Variants in SLMAP observed in about 807,000 individuals in gnomAD.
SLMAP encodes the protein sarcolemma associated protein, also known as sarcolemmal membrane-associated protein.
In SLMAP, 44 loss-of-function variants were observed where a neutral mutation model predicts 128.8. That is an observed-to-expected ratio of 0.34 (90% confidence interval 0.27 to 0.44). The LOEUF (loss-of-function observed/expected upper bound fraction) is 0.44, where lower values mean the gene tolerates loss of function less well. SLMAP is among the 20% of genes least tolerant of loss of function. SLMAP has a pLI of 1.00. For missense variants in SLMAP, 787 were observed against 985.3 expected (o/e 0.80, Z 2.69); for synonymous variants, 327 against 348.8 (o/e 0.94, Z 0.70).
At chr3:57,913,640 G>A (rs972163164) in intron 21 of SLMAP, among the ~76,000 whole-genome samples, 4 of 152,094 alleles carry the variant, frequency 2.6e-5, no homozygotes, top group Non-Finnish European at 4.4e-5. Flanking sequence ...TTTAGTAAAC[G>A]TGATCAGGAA....
In SLMAP at chr3:57,828,492, G is replaced by A. The variant is rs1205065456; in HGVS notation, c.199-2891G>A. Among the ~76,000 whole-genome samples the A allele has an allele frequency of 2.7e-4, 41 of 152,112 alleles. 2 individuals carry two copies. Among genetic ancestry groups the A allele is most frequent in the Admixed American group, 2.7e-3 (41 of 15,274 alleles). ...GCTGTATACAAGTACAGAGGGTTAG[G>A]GGGATGAATAGAAGTTAGTGTAACT... On this transcript the variant is annotated intron_variant, in intron 2 of 24. Transcript: ENST00000671191.
intron 2 of SLMAP, among the ~76,000 whole-genome samples, chr3:57,784,405 C>A (rs912395258): frequency 1.3e-5 from 2 of 152,162 alleles, no homozygotes; most frequent in African/African-American, 2.4e-5. Flanking sequence ...GATTCTTCTC[C>A]AGCTTTAAGA....
intron 2 of SLMAP, among the ~76,000 whole-genome samples, chr3:57,777,943 T>A (rs544777686): frequency 1.8e-4 from 28 of 152,246 alleles, no homozygotes; most frequent in Non-Finnish European, 3.7e-4. Flanking sequence ...TTTTTGAATG[T>A]TAAGCCAAGT....
chr3:57,821,272 G>T (rs2092482236), intron 2 of SLMAP, among the ~76,000 whole-genome samples: 1 of 151,970 alleles, frequency 6.6e-6, no homozygotes, highest in African/African-American at 2.4e-5. Context: ...GGCCCCAAAA[G>T]AAAGATTTAT....
chr3:57,764,425 C>T (rs1350862135), intron 2 of SLMAP, among the ~76,000 whole-genome samples: 1 of 151,458 alleles, frequency 6.6e-6, no homozygotes, highest in African/African-American at 2.4e-5. Flanking sequence ...TCACTTGAAC[C>T]CAGGAAGCGG....
At chr3:57,918,149 T>C (rs1344481627) in intron 22 of SLMAP, 1 of 152,260 alleles carries the variant, frequency 6.6e-6, no homozygotes, top group African/African-American at 2.4e-5. Flanking sequence ...ATATGTGTTT[T>C]AGAAGAAATC....
chr3:57,778,112 G>T (rs1440776937), intron 2 of SLMAP, among the ~76,000 whole-genome samples: 1 of 152,108 alleles, frequency 6.6e-6, no homozygotes, highest in Non-Finnish European at 1.5e-5. Flanking sequence ...AAGCCATCTG[G>T]ACCTATTTAT....
chr3:57,835,467 A>C (rs1201496446), intron 3 of SLMAP, among the ~76,000 whole-genome samples: 5 of 152,172 alleles, frequency 3.3e-5, no homozygotes, highest in Admixed American at 2.6e-4. Context: ...AACAAATTAA[A>C]TTCAGAAATA....
intron 2 of SLMAP, among the ~76,000 whole-genome samples, chr3:57,771,177 C>CCTCTCCTCTCCTCCCCTCCCCTCCCCTCT (rs2080805122): frequency 1.1e-5 from 1 of 88,504 alleles, no homozygotes; most frequent in Non-Finnish European, 2.1e-5. Context: ...CCCTCCCCTC[C>CCTCTCCTCTCCTCCCCTCCCCTCCCCTCT]CCTCTCCTCT....
rs999042505 is a variant in SLMAP, at chr3:57,906,310, CTT to C, written c.1502-1553_1502-1552del. Among the ~76,000 whole-genome samples the C allele has an allele frequency of 6.4e-4, 30 of 47,024 alleles. No homozygotes were observed. In the East Asian group the frequency reaches 8.8e-3, roughly 14 times the overall value. 30.8% of individuals were successfully genotyped at this position (47,024 alleles called of 152,430 possible). A position where few individuals can be genotyped will look rare whatever the true frequency, so the allele number is the denominator to read the frequency against. On this transcript the variant is annotated intron_variant, in intron 17 of 24. Transcript: ENST00000671191. ...GAATCAAATTTTTTTCTTTTTTTTT[CTT>C]TTTTTTTTTTTTTTTTTTTTAGAGA...
At chr3:57,850,463 G>T (rs939065326) in intron 6 of SLMAP, among the ~76,000 whole-genome samples, 7 of 152,066 alleles carry the variant, frequency 4.6e-5, no homozygotes, top group Admixed American at 3.3e-4. Flanking sequence ...CTGTCTCTCA[G>T]GCTGAAGTGC....
chr3:57,878,706 G>A (rs574051432), intron 14 of SLMAP, among the ~76,000 whole-genome samples: 2 of 152,262 alleles, frequency 1.3e-5, no homozygotes, highest in African/African-American at 4.8e-5. Flanking sequence ...TAGTTAGCAG[G>A]CAGAAAACAT....
chr3:57,892,795 C>CACACACACACACACAT, intron 15 of SLMAP, among the ~76,000 whole-genome samples: 1 of 148,528 alleles, frequency 6.7e-6, no homozygotes, highest in East Asian at 2.0e-4. Context: ...CACACACACA[C>CACACACACACACACAT]ACACACACAC....
At chr3:57,808,321 G>C (rs573135481) in intron 2 of SLMAP, among the ~76,000 whole-genome samples, 2 of 151,880 alleles carry the variant, frequency 1.3e-5, no homozygotes, top group Non-Finnish European at 2.9e-5. Context: ...GTTTACTCTT[G>C]CTTCTCTAGC....
Position 57,865,238 on chromosome 3 carries a change from C to A in SLMAP, c.1187-4C>A. ...CAGGCAATGATATACTGTCTTAATC[C>A]TAGGGATACAAGTTGATGACTTCTT... On this transcript the variant is annotated splice_region_variant and splice_polypyrimidine_tract_variant and intron_variant, in intron 12 of 24. Transcript: ENST00000671191. The A allele has an allele frequency of 6.7e-7, 1 of 1,484,366 alleles. No homozygotes were observed. The allele number at this position is 1,484,366 out of a possible 1,614,324, so 91.9% of individuals were successfully genotyped here.
chr3:57,877,451 CA>C (rs929667723), intron 14 of SLMAP, among the ~76,000 whole-genome samples: 1 of 152,146 alleles, frequency 6.6e-6, no homozygotes, highest in Non-Finnish European at 1.5e-5. Flanking sequence ...TTCTCTAAGC[CA>C]AAGCAGTTTA....
chr3:57,844,631 T>G (rs553433376), intron 4 of SLMAP, among the ~76,000 whole-genome samples: 1 of 151,684 alleles, frequency 6.6e-6, no homozygotes, highest in South Asian at 2.1e-4. Context: ...GGGATTGTTA[T>G]GAGAAGATTT....
chr3:57,882,310 A>C (rs2153635352), intron 14 of SLMAP, among the ~76,000 whole-genome samples: 1 of 152,300 alleles, frequency 6.6e-6, no homozygotes, highest in East Asian at 1.9e-4. Context: ...ATAATAAACC[A>C]AAAAATTAAT....
At chr3:57,781,729 ATTTTT>A (rs748021832) in intron 2 of SLMAP, among the ~76,000 whole-genome samples, 1 of 109,160 alleles carries the variant, frequency 9.2e-6, no homozygotes, top group African/African-American at 3.6e-5. Context: ...ATATTGACTG[ATTTTT>A]TTTTTTTTTT....
Sources: gnomAD v4.1 joint callset for allele counts (sites outside exome capture counted in the v4.1 genomes callset) on GRCh38, gnomAD v4.1.1 for gene constraint, MANE v1.5 for transcripts, NCBI Gene and HGNC (gene_info 2026-07-23, HGNC 2026-07-21) for gene names.